The following GAD2 variants were observed in gnomAD, a reference collection of about 807,000 sequenced individuals.
The protein encoded by GAD2 is 65 kDa glutamic acid decarboxylase.
Under a neutral mutation model 80.1 loss-of-function variants are expected in GAD2, and 22 were observed. That is an observed-to-expected ratio of 0.27 (90% CI 0.20 to 0.39). The LOEUF is 0.39. Among genes scored for constraint, GAD2 ranks in the 10% least tolerant of loss-of-function variants. The pLI is 1.00. For synonymous variants in GAD2, 274 were observed against 256.9 expected (o/e 1.07, Z -0.64); for missense variants, 624 against 738.4 (o/e 0.85, Z 1.80).
intron 7 of GAD2, among the ~76,000 whole-genome samples, chr10:26,243,898 T>C (rs115838139): frequency 0.029 from 4,364 of 152,338 alleles, 190 homozygotes; most frequent in African/African-American, 0.098. Context: ...ACATAGCTGC[T>C]GGAGCTGGTT....
rs575694229 is a variant in GAD2 at position 26,299,816 on chromosome 10, G to A, written c.1585-972G>A. On this transcript the variant is annotated intron_variant, in intron 15 of 15. Coordinates refer to ENST00000376261, the MANE Select transcript of GAD2 (RefSeq NM_001134366.2). ...AGCTACTGATGGACACTAGAAGTCA[G>A]GAAAGGCTTCATAGCAGTTGTAGGA... 1.6e-4 allele frequency among the ~76,000 whole-genome samples: 24 copies of A among 152,294 alleles called. No homozygotes were observed. The South Asian group carries it at 4.8e-3, about 30-fold the overall frequency.
chr10:26,236,129 T>C (rs749804657), intron 7 of GAD2, among the ~76,000 whole-genome samples: 5 of 152,142 alleles, frequency 3.3e-5, no homozygotes, highest in African/African-American at 7.2e-5. Flanking sequence ...TTATTTTATT[T>C]TGGAGACAGG....
intron 8 of GAD2, among the ~76,000 whole-genome samples, chr10:26,254,990 G>C (rs1844926627): frequency 3.3e-5 from 5 of 152,230 alleles, no homozygotes; most frequent in Admixed American, 3.3e-4. Context: ...TGGAGATACT[G>C]AGTTTGACGA....
At chr10:26,239,637 T>G (rs1230065959) in intron 7 of GAD2, among the ~76,000 whole-genome samples, 1 of 152,212 alleles carries the variant, frequency 6.6e-6, no homozygotes, top group Non-Finnish European at 1.5e-5. Context: ...TGAACTAATA[T>G]TAGAAATAGT....
intron 4 of GAD2, among the ~76,000 whole-genome samples, chr10:26,222,122 G>A (rs765786884): frequency 7.9e-5 from 12 of 152,214 alleles, no homozygotes; most frequent in Non-Finnish European, 1.3e-4. Context: ...AGAGATTCAG[G>A]TGAAATGGCA....
chr10:26,229,684 T>C lies in GAD2; in HGVS notation c.747T>C (p.Tyr249=). ...TAGGTGGCGCCATATCTAACATGTATGCCATGATGATCGCACGCTTTAAGA... is the reference window on the plus strand; with the variant it reads ...TAGGTGGCGCCATATCTAACATGTACGCCATGATGATCGCACGCTTTAAGA... ...FSPGGAISNM[Y]AMMIARFKMF... is the part of the protein sequence containing the mutation. The change falls in exon 7 of 16, where the codon TAT becomes TAC. Residue 249 remains tyrosine, a synonymous_variant. Coordinates refer to ENST00000376261, the MANE Select transcript of GAD2 (RefSeq NM_001134366.2). 6.2e-7 allele frequency: 1 copy of C among 1,614,024 alleles called. No individual in the cohort carries two copies. Among genetic ancestry groups the C allele is most frequent in the Non-Finnish European group, 8.5e-7 (1 of 1,179,938 alleles).
At chr10:26,254,846 G>C (rs976286499) in intron 8 of GAD2, among the ~76,000 whole-genome samples, 1 of 152,218 alleles carries the variant, frequency 6.6e-6, no homozygotes, top group Non-Finnish European at 1.5e-5. Flanking sequence ...GAATGAACAG[G>C]AAGTGTTGGC....
At position 26,217,873 on chromosome 10, in the gene GAD2, G is replaced by A. The variant is rs1311377890; in HGVS notation, c.168G>A (p.Ala56=). 2 of 1,607,286 alleles carry A rather than the reference G, an allele frequency of 1.2e-6. No individual in the cohort carries two copies. Among genetic ancestry groups the A allele is most frequent in the Admixed American group, 1.7e-5 (1 of 59,380 alleles). The change falls in exon 3 of 16, where the codon GCG becomes GCA. Residue 56 remains alanine, a synonymous_variant. Coordinates refer to ENST00000376261, the MANE Select transcript of GAD2 (RefSeq NM_001134366.2). The surrounding 1 kb of genome is among the most constrained non-coding windows in gnomAD (Gnocchi z 4.9). ...TCTACGGAGACGCCGAGAAGCCGGC[G>A]GAGAGCGGCGGGAGCCAACCCCCGC... is the stretch of plus-strand genomic sequence containing the variant. ...ALLYGDAEKP[A]ESGGSQPPRA...
intron 8 of GAD2, among the ~76,000 whole-genome samples, chr10:26,255,980 C>G (rs904178635): frequency 1.1e-4 from 17 of 152,088 alleles, no homozygotes; most frequent in African/African-American, 4.1e-4. Flanking sequence ...TAATGACTTT[C>G]AAATCAGACA....
At chr10:26,267,011 A>T (rs1253651768) in intron 8 of GAD2, among the ~76,000 whole-genome samples, 2 of 152,154 alleles carry the variant, frequency 1.3e-5, no homozygotes, top group East Asian at 3.8e-4. Context: ...AGAATCAGGC[A>T]TGTCTTGGAG....
intron 6 of GAD2, 112 bp from the exon 7 acceptor site, chr10:26,229,550 T>G (rs2839676): frequency 0.088 from 62,062 of 708,014 alleles, 3,301 homozygotes; most frequent in African/African-American, 0.19. Context: ...AGTCAATAGG[T>G]TTTTCTTCTG....
At chr10:26,260,718 C>T (rs920660672) in intron 8 of GAD2, among the ~76,000 whole-genome samples, 3 of 152,146 alleles carry the variant, frequency 2.0e-5, no homozygotes, top group African/African-American at 7.2e-5. Context: ...ATGTTGCCTT[C>T]AGAAAAGACT....
intron 4 of GAD2, among the ~76,000 whole-genome samples, chr10:26,222,616 C>T (rs1395170925): frequency 1.3e-5 from 2 of 152,146 alleles, no homozygotes. Context: ...GGGTACCACA[C>T]GAGGCCACAA....
chr10:26,247,810 C>T (rs1232654332), intron 8 of GAD2, among the ~76,000 whole-genome samples: 3 of 147,960 alleles, frequency 2.0e-5, no homozygotes, highest in South Asian at 2.1e-4. Flanking sequence ...ACAGGAGAAT[C>T]GCTTGAACCC....
chr10:26,254,076 C>T (rs8190676), intron 8 of GAD2, among the ~76,000 whole-genome samples: 72 of 152,138 alleles, frequency 4.7e-4, no homozygotes, highest in Non-Finnish European at 8.1e-4. Flanking sequence ...CTCACTCTGT[C>T]GCCAGGCTGG....
At chr10:26,283,827 A>G (rs536075708) in intron 12 of GAD2, among the ~76,000 whole-genome samples, 1 of 152,316 alleles carries the variant, frequency 6.6e-6, no homozygotes, top group East Asian at 1.9e-4. Context: ...AGATTTGGAA[A>G]TGATTAGATG....
chr10:26,216,520 C>T, upstream of GAD2: 1 of 264,210 alleles, frequency 3.8e-6, no homozygotes. The surrounding 1 kb of genome is among the most constrained non-coding windows in gnomAD (Gnocchi z 4.7). Context: ...CCGCGCTTTC[C>T]TGAGTCCGGG....
intron 8 of GAD2, among the ~76,000 whole-genome samples, chr10:26,250,543 A>T (rs1481321877): frequency 1.3e-5 from 2 of 152,088 alleles, no homozygotes; most frequent in African/African-American, 4.8e-5. Flanking sequence ...GTAAGAAAGA[A>T]GGAAGTGGGA....
At chr10:26,263,977 G>C (rs538991335) in intron 8 of GAD2, among the ~76,000 whole-genome samples, 1 of 152,152 alleles carries the variant, frequency 6.6e-6, no homozygotes, top group African/African-American at 2.4e-5. Flanking sequence ...TCTAGGTTTT[G>C]TTATCAGACA....
Sources: allele counts gnomAD v4.1 joint callset (sites outside exome capture counted in the v4.1 genomes callset), GRCh38; gene constraint gnomAD v4.1.1; non-coding constraint Gnocchi (gnomAD v3.1); transcripts MANE v1.5; gene names NCBI Gene and HGNC (gene_info 2026-07-23, HGNC 2026-07-21).